Variants in ABLIM2 observed in about 807,000 individuals in gnomAD.
The protein encoded by ABLIM2 is actin-binding LIM protein 2.
ABLIM2 carries 53 observed loss-of-function variants against 97.7 expected under a neutral mutation model. The ratio of observed to expected loss-of-function variants is 0.54; its 90% CI spans 0.44 to 0.68. ABLIM2 has a LOEUF of 0.68. ABLIM2 is among the 30% of genes least tolerant of loss of function. The pLI is 0.00. For missense variants in ABLIM2, 835 were observed against 867.2 expected (o/e 0.96, Z 0.47); for synonymous variants, 361 against 345.8 (o/e 1.04, Z -0.49).
chr4:8,143,394 C>T (rs903613430), intron 1 of ABLIM2, among the ~76,000 whole-genome samples: 1 of 152,166 alleles, frequency 6.6e-6, no homozygotes, highest in Non-Finnish European at 1.5e-5. Context: ...CCACGGTGCA[C>T]AAAAGGCAGA....
chr4:8,106,627 G>A lies in ABLIM2; in HGVS notation c.21C>T (p.Pro7=), dbSNP rs751516704. MSAVSQ[P]QAAPSPLEKS... ...TCTCCAGCGGGCTGGGAGCAGCCTGGGGCTGCGACACTGTTGGGAAAGAGA... is the reference window on the plus strand; with the variant it reads ...TCTCCAGCGGGCTGGGAGCAGCCTGAGGCTGCGACACTGTTGGGAAAGAGA... The change falls in exon 2 of 21, where the codon CCC becomes CCT. Residue 7 remains proline (P), a synonymous_variant. Coordinates refer to ENST00000447017, the MANE Select transcript of ABLIM2 (RefSeq NM_001130083.2). 1 of 1,608,760 alleles carries A rather than the reference G, an allele frequency of 6.2e-7. No homozygotes were observed. Among genetic ancestry groups the A allele is most frequent in the South Asian group, 1.1e-5 (1 of 90,052 alleles).
chr4:8,156,153 G>C (rs1715247603), intron 1 of ABLIM2, among the ~76,000 whole-genome samples: 1 of 152,100 alleles, frequency 6.6e-6, no homozygotes, highest in South Asian at 2.1e-4. Context: ...CAAGGATCTG[G>C]TGCCCACTGG....
At chr4:8,079,963 A>T (rs1818733150) in intron 5 of ABLIM2, among the ~76,000 whole-genome samples, 1 of 152,152 alleles carries the variant, frequency 6.6e-6, no homozygotes, top group Non-Finnish European at 1.5e-5. Flanking sequence ...GCTCGTCCAC[A>T]TATTCGCCCC....
intron 6 of ABLIM2, among the ~76,000 whole-genome samples, chr4:8,074,536 T>C (rs1477311680): frequency 3.9e-5 from 6 of 152,202 alleles, no homozygotes; most frequent in African/African-American, 9.7e-5. Context: ...CTATATCTTG[T>C]TGACAAGATT....
In ABLIM2 at chr4:8,046,507, G is replaced by A. The variant is rs1186324129; in HGVS notation, c.823-1266C>T. Among the ~76,000 whole-genome samples the A allele has an allele frequency of 3.3e-5, 5 of 151,904 alleles. No individual in the cohort carries two copies. Among genetic ancestry groups the A allele is most frequent in the Non-Finnish European group, 1.5e-5 (1 of 67,970 alleles). ...AGAGCTCAGCCCTCACTCTCCCCAC[G>A]GCCCCCACGTCCTCTGCTGCTTCGA... is the stretch of plus-strand genomic sequence containing the variant. On this transcript the variant is annotated intron_variant, in intron 8 of 20. Coordinates refer to ENST00000447017, the MANE Select transcript of ABLIM2 (RefSeq NM_001130083.2). The surrounding 1 kb of genome is among the most constrained non-coding windows in gnomAD (Gnocchi z 4.4).
intron 16 of ABLIM2, 127 bp downstream of exon 16, chr4:8,007,932 G>C (rs1262939311): frequency 6.7e-7 from 1 of 1,489,678 alleles, no homozygotes; most frequent in Non-Finnish European, 8.9e-7. Context: ...TTAGATTTGT[G>C]GGCTTTGCTT....
In ABLIM2 at chr4:8,148,893, C is replaced by T. The variant is rs1014294313; in HGVS notation, c.10+9787G>A. Among the ~76,000 whole-genome samples the T allele has an allele frequency of 2.7e-4, 41 of 152,206 alleles. No homozygotes were observed. The highest frequency in any genetic ancestry group is 8.4e-4 in the African/African-American group (35 of 41,458). On this transcript the variant is annotated intron_variant, in intron 1 of 20. Transcript: ENST00000447017. The surrounding 1 kb of genome is among the most constrained non-coding windows in gnomAD (Gnocchi z 6.7). Reference sequence around the variant, plus strand: ...CTGATGTACCAAGAAACCTGGGCTCCGCAGGCACCCGGGAGATCAGGCCAC... The same window carrying T: ...CTGATGTACCAAGAAACCTGGGCTCTGCAGGCACCCGGGAGATCAGGCCAC...
In ABLIM2 at chr4:8,095,827, C is replaced by A. The variant is rs13124428; in HGVS notation, c.338+1272G>T. 6.6e-6 allele frequency among the ~76,000 whole-genome samples: 1 copy of A among 152,192 alleles called. No individual in the cohort carries two copies. On this transcript the variant is annotated intron_variant, in intron 3 of 20. Transcript: ENST00000447017. This position sits in a 1 kb window ranked among gnomAD's most constrained non-coding sequence, Gnocchi z 4.7. ...CCTGGGGTTCGACGAGGAATCTCTG[C>A]CCTGGACAGGACTCAGATGTTTCCC...
At position 8,128,777 on chromosome 4, in the gene ABLIM2, T is replaced by C. The variant is rs1848899373; in HGVS notation, c.11-22140A>G. Among the ~76,000 whole-genome samples, 3 of 152,062 alleles carry C rather than the reference T, an allele frequency of 2.0e-5. No homozygotes were observed. The highest frequency in any genetic ancestry group is 2.0e-4 in the Admixed American group (3 of 15,274). ...GAATTAGGTCTTGCAGGTGGAGCCC[T>C]CATCATGGGATGAGTGCCCTTGTAA... On this transcript the variant is annotated intron_variant, in intron 1 of 20. Coordinates refer to ENST00000447017, the MANE Select transcript of ABLIM2 (RefSeq NM_001130083.2). The surrounding 1 kb of genome is among the most constrained non-coding windows in gnomAD (Gnocchi z 4.9).
At chr4:7,985,709 G>T (rs1214454757) in intron 17 of ABLIM2, among the ~76,000 whole-genome samples, 1 of 152,186 alleles carries the variant, frequency 6.6e-6, no homozygotes, top group Admixed American at 6.5e-5. Flanking sequence ...CTCTGACAAT[G>T]ACTAAGGGTG....
At chr4:8,010,541 C>G (rs1578563766) in intron 14 of ABLIM2, 1 of 985,934 alleles carries the variant, frequency 1.0e-6, no homozygotes, top group Non-Finnish European at 1.2e-6. Flanking sequence ...TGGGATTGGG[C>G]TACAGGACCT....
chr4:8,086,105 C>A (rs898551486), intron 4 of ABLIM2, among the ~76,000 whole-genome samples: 1 of 152,130 alleles, frequency 6.6e-6, no homozygotes, highest in Non-Finnish European at 1.5e-5. Flanking sequence ...TTTCTAGGCA[C>A]AGAAATGGTT....
rs1577073607 is a variant in ABLIM2, at chr4:8,067,858, C to T, written c.676-6804G>A. 1 of 152,240 alleles carries T rather than the reference C, an allele frequency of 6.6e-6. No individual in the cohort carries two copies. The highest frequency in any genetic ancestry group is 2.4e-5 in the African/African-American group (1 of 41,448). 9.4% of individuals were successfully genotyped at this position (152,240 alleles called of 1,614,324 possible). ...GTATAAGATGGAGAGGACTGTCCCT[C>T]CCTCTCAGGCTGGGGTAGTATAACC... On this transcript the variant is annotated intron_variant, in intron 6 of 20. Transcript: ENST00000447017. The surrounding 1 kb of genome is among the most constrained non-coding windows in gnomAD (Gnocchi z 5.4).
chr4:8,071,693 A>AACCCC lies in ABLIM2; in HGVS notation c.675+5934_675+5935insGGGGT. On this transcript the variant is annotated intron_variant, in intron 6 of 20. Coordinates refer to ENST00000447017, the MANE Select transcript of ABLIM2 (RefSeq NM_001130083.2). The surrounding 1 kb of genome is among the most constrained non-coding windows in gnomAD (Gnocchi z 6.2). The stretch of plus-strand genomic sequence containing the variant: ...ACACCTGACTGCTCTGTCCCCAAAA[A>AACCCC]CCCACCCACCCGCAGCCCCTCCTGG... The AACCCC allele has an allele frequency of 9.1e-5, 75 of 819,810 alleles. No individual in the cohort carries two copies. The highest frequency in any genetic ancestry group is 1.1e-4 in the South Asian group (2 of 17,998). The allele number at this position is 819,810 out of a possible 1,614,324, so 50.8% of individuals were successfully genotyped here. A position where few individuals can be genotyped will look rare whatever the true frequency, so the allele number is the denominator to read the frequency against.
rs376692538 is a variant in ABLIM2 at position 8,032,914 on chromosome 4, G to A, written c.1048-3138C>T. Among the ~76,000 whole-genome samples, 13 of 152,086 alleles carry A rather than the reference G, an allele frequency of 8.5e-5. No individual in the cohort carries two copies. Among genetic ancestry groups the A allele is most frequent in the Admixed American group, 3.3e-4 (5 of 15,272 alleles). Reference sequence around the variant, plus strand: ...AGAGGCCCCCGGGGAAACTGATTTCGTGCCAATGAGCCCAGAGCTTGTCTC... The same window carrying A: ...AGAGGCCCCCGGGGAAACTGATTTCATGCCAATGAGCCCAGAGCTTGTCTC... On this transcript the variant is annotated intron_variant, in intron 10 of 20. Transcript: ENST00000447017. The surrounding 1 kb of genome is among the most constrained non-coding windows in gnomAD (Gnocchi z 4.3).
At chr4:8,052,156 C>G (rs1287486946) in intron 8 of ABLIM2, among the ~76,000 whole-genome samples, 1 of 152,230 alleles carries the variant, frequency 6.6e-6, no homozygotes, top group Non-Finnish European at 1.5e-5. Flanking sequence ...CTCCACTCAT[C>G]GGAGCCACAT....
At chr4:7,985,463 G>A (rs557878530) in intron 17 of ABLIM2, among the ~76,000 whole-genome samples, 1 of 152,242 alleles carries the variant, frequency 6.6e-6, no homozygotes, top group East Asian at 1.9e-4. Flanking sequence ...ACTGTGCACG[G>A]TTGTGGAACT....
At chr4:8,009,166 T>C in intron 14 of ABLIM2, 64 bp from the exon 15 acceptor site, 1 of 1,588,578 alleles carries the variant, frequency 6.3e-7, no homozygotes, top group South Asian at 1.1e-5. Context: ...TGCCTCATGG[T>C]TTCCCATGTT....
intron 16 of ABLIM2, among the ~76,000 whole-genome samples, chr4:8,006,612 G>C (rs147405279): frequency 1.3e-5 from 2 of 152,364 alleles, no homozygotes; most frequent in South Asian, 4.1e-4. Context: ...CATCTGACAC[G>C]TGAGTGCAGG....
Sources: gnomAD v4.1 joint callset for allele counts (sites outside exome capture counted in the v4.1 genomes callset) on GRCh38, gnomAD v4.1.1 for gene constraint, Gnocchi (gnomAD v3.1) non-coding constraint, MANE v1.5 for transcripts, NCBI Gene and HGNC (gene_info 2026-07-23, HGNC 2026-07-21) for gene names.